The following ADAMTSL3 variants were observed in gnomAD, a reference collection of about 807,000 sequenced individuals.
ADAMTSL3 encodes the protein ADAMTS-like protein 3.
In ADAMTSL3, 128 loss-of-function variants were observed where a neutral mutation model predicts 201.7. The ratio of observed to expected loss-of-function variants is 0.63; its 90% CI spans 0.55 to 0.73. ADAMTSL3 has a LOEUF of 0.73. ADAMTSL3 is among the 30% of genes least tolerant of loss of function. The pLI is 0.00. For synonymous variants in ADAMTSL3, 738 were observed against 748.4 expected (o/e 0.99, Z 0.23); for missense variants, 1,990 against 2,119.6 (o/e 0.94, Z 1.20).
intron 4 of ADAMTSL3, among the ~76,000 whole-genome samples, chr15:83,793,265 T>C (rs1458543624): frequency 1.3e-5 from 2 of 152,182 alleles, no homozygotes; most frequent in Non-Finnish European, 2.9e-5. Context: ...AACAGAACTA[T>C]TGTGCAACAG....
chr15:83,986,242 A>G (rs1419763710), intron 21 of ADAMTSL3, among the ~76,000 whole-genome samples: 1 of 152,220 alleles, frequency 6.6e-6, no homozygotes, highest in Non-Finnish European at 1.5e-5. Flanking sequence ...GTAAGGAAAG[A>G]GAGGCTGACA....
At chr15:83,792,003 A>G (rs775406719) in intron 4 of ADAMTSL3, among the ~76,000 whole-genome samples, 10 of 152,230 alleles carry the variant, frequency 6.6e-5, no homozygotes, top group African/African-American at 1.9e-4. Context: ...CAAAAGCCAG[A>G]AAAATATGGA....
At chr15:83,711,688 T>C (rs191364619) in intron 3 of ADAMTSL3, among the ~76,000 whole-genome samples, 1 of 152,374 alleles carries the variant, frequency 6.6e-6, no homozygotes, top group African/African-American at 2.4e-5. Context: ...AATGCATGAA[T>C]ACTGCACATG....
At chr15:83,796,565 C>T (rs2063430918) in intron 4 of ADAMTSL3, among the ~76,000 whole-genome samples, 1 of 152,142 alleles carries the variant, frequency 6.6e-6, no homozygotes, top group African/African-American at 2.4e-5. Flanking sequence ...TACCAATTTT[C>T]CCCTATGTTA....
chr15:84,014,592 G>A lies in ADAMTSL3; in HGVS notation c.4024G>A (p.Gly1342Ser), dbSNP rs747077039. ...GTTGAAGAGAGGAGGATCTCTGAGT[G>A]GCAATGTTTCCTTGCTTTTCAATGG... ...TWLKRGGSLSGNVSLLFNGSL... is the reference protein window; with the variant it reads ...TWLKRGGSLSSNVSLLFNGSL... The change falls in exon 24 of 30, where the codon GGC becomes AGC. Residue 1342 changes from glycine (G) to serine (S), a missense_variant. Transcript: ENST00000286744. The A allele has an allele frequency of 5.0e-5, 80 of 1,613,984 alleles. No homozygotes were observed. The Admixed American group carries it at 1.1e-3, about 22-fold the overall frequency.
At chr15:83,704,630 C>A in intron 3 of ADAMTSL3, 122 bp downstream of exon 3, 1 of 1,295,994 alleles carries the variant, frequency 7.7e-7, no homozygotes, top group Non-Finnish European at 1.1e-6. Flanking sequence ...ACAACAGACC[C>A]TTGACACCCT....
intron 17 of ADAMTSL3, among the ~76,000 whole-genome samples, chr15:83,930,899 A>G (rs1212786955): frequency 6.6e-6 from 1 of 152,248 alleles, no homozygotes; most frequent in Non-Finnish European, 1.5e-5. Flanking sequence ...CTCCAAGGGC[A>G]ATAGCAGTAA....
chr15:83,731,148 C>T (rs542599004), intron 3 of ADAMTSL3, among the ~76,000 whole-genome samples: 12 of 152,012 alleles, frequency 7.9e-5, no homozygotes, highest in Non-Finnish European at 1.5e-4. Flanking sequence ...GTTTTTATGC[C>T]GGTACCATAC....
chr15:83,830,896 T>C (rs945275225), intron 6 of ADAMTSL3, among the ~76,000 whole-genome samples: 6 of 152,150 alleles, frequency 3.9e-5, no homozygotes, highest in Admixed American at 6.5e-5. Context: ...GGTGGGTGAC[T>C]TTAAAACTTA....
At position 83,899,527 on chromosome 15, in the gene ADAMTSL3, A is replaced by G. The variant is rs894089392; in HGVS notation, c.1616-120A>G. 20 of 924,498 alleles carry G rather than the reference A, an allele frequency of 2.2e-5. No homozygotes were observed. The East Asian group carries it at 5.5e-4, about 25-fold the overall frequency. 57.3% of individuals were successfully genotyped at this position (924,498 alleles called of 1,614,324 possible). ...CTAATGTATTGTACTAAGGAACTCA[A>G]CTTGCATTTGAAAAACATGACCTCT... is the stretch of plus-strand genomic sequence containing the variant. On this transcript the variant is annotated intron_variant, in intron 14 of 29. Transcript: ENST00000286744.
At chr15:83,934,729 C>T (rs2066429995) in intron 17 of ADAMTSL3, among the ~76,000 whole-genome samples, 1 of 152,142 alleles carries the variant, frequency 6.6e-6, no homozygotes, top group Admixed American at 6.6e-5. Context: ...AATTAAACTC[C>T]TTTCTCCAGA....
chr15:83,880,358 C>G (rs1008654131), intron 9 of ADAMTSL3, among the ~76,000 whole-genome samples: 1 of 152,140 alleles, frequency 6.6e-6, no homozygotes, highest in Non-Finnish European at 1.5e-5. Flanking sequence ...CAGCAGATTA[C>G]GACCAGCAGG....
intron 15 of ADAMTSL3, among the ~76,000 whole-genome samples, chr15:83,903,921 A>C (rs1408368183): frequency 3.7e-5 from 1 of 27,196 alleles, no homozygotes; most frequent in Non-Finnish European, 5.7e-5. Context: ...CCACATCAAA[A>C]AAAAAAAAAA....
intron 21 of ADAMTSL3, among the ~76,000 whole-genome samples, chr15:83,987,766 G>A (rs924998165): frequency 6.6e-6 from 1 of 152,122 alleles, no homozygotes; most frequent in Admixed American, 6.5e-5. Flanking sequence ...TGAAGTGACA[G>A]GAAATAAAGA....
At chr15:83,750,696 C>T (rs547071031) in intron 3 of ADAMTSL3, among the ~76,000 whole-genome samples, 2 of 152,172 alleles carry the variant, frequency 1.3e-5, no homozygotes, top group African/African-American at 2.4e-5. Flanking sequence ...GGACTACAGG[C>T]ACGTGCCACC....
intron 23 of ADAMTSL3, among the ~76,000 whole-genome samples, chr15:84,006,824 G>T (rs1381959594): frequency 2.6e-5 from 4 of 152,188 alleles, no homozygotes; most frequent in Admixed American, 2.0e-4. Flanking sequence ...ATGTTTACAC[G>T]TGTAACGATG....
intron 4 of ADAMTSL3, among the ~76,000 whole-genome samples, chr15:83,791,721 A>G (rs2063347488): frequency 6.6e-6 from 1 of 151,946 alleles, no homozygotes; most frequent in South Asian, 2.1e-4. Context: ...ATTGCCGGGC[A>G]TGGTAGCGGG....
At chr15:83,928,845 C>A (rs1296520049) in intron 17 of ADAMTSL3, among the ~76,000 whole-genome samples, 1 of 152,076 alleles carries the variant, frequency 6.6e-6, no homozygotes, top group Non-Finnish European at 1.5e-5. Context: ...TATCATGAAA[C>A]CTGAGTTTCT....
intron 17 of ADAMTSL3, among the ~76,000 whole-genome samples, chr15:83,934,994 A>G (rs1333579710): frequency 1.3e-5 from 2 of 152,196 alleles, no homozygotes; most frequent in Non-Finnish European, 1.5e-5. Context: ...GAGCTAAATA[A>G]TGTGAACCCA....
Sources: gnomAD v4.1 joint callset for allele counts (sites outside exome capture counted in the v4.1 genomes callset) on GRCh38, gnomAD v4.1.1 for gene constraint, MANE v1.5 for transcripts, NCBI Gene and HGNC (gene_info 2026-07-23, HGNC 2026-07-21) for gene names.